Variants in ANKS1B observed in about 807,000 individuals in gnomAD.
ANKS1B encodes the protein ankyrin repeat and sterile alpha motif domain containing 1B.
In ANKS1B, 36 loss-of-function variants were observed where a neutral mutation model predicts 148.3. That is an observed-to-expected ratio of 0.24 (90% CI 0.19 to 0.32). ANKS1B has a LOEUF of 0.32. ANKS1B is among the 10% of genes least tolerant of loss of function. ANKS1B has a pLI of 1.00. For synonymous variants in ANKS1B, 542 were observed against 560.8 expected (o/e 0.97, Z 0.47); for missense variants, 1,157 against 1,542.6 (o/e 0.75, Z 4.19).
intron 14 of ANKS1B, among the ~76,000 whole-genome samples, chr12:99,169,024 A>T (rs1196184974): frequency 1.3e-5 from 2 of 152,198 alleles, no homozygotes; most frequent in African/African-American, 4.8e-5. Context: ...GTTCGAGTTC[A>T]TTAGGGGGAA....
Position 99,659,625 on chromosome 12 carries a change from A to C in ANKS1B, c.1129-4415T>G, listed in dbSNP as rs2098466235. Among the ~76,000 whole-genome samples, 3 of 151,576 alleles carry C rather than the reference A, an allele frequency of 2.0e-5. No individual in the cohort carries two copies. The South Asian group carries it at 6.4e-4, about 33-fold the overall frequency. On this transcript the variant is annotated intron_variant, in intron 8 of 26. Transcript: ENST00000683438. ...AAGAAATGGGATTTCCCTGTGAGGC[A>C]GTGTGTGTTCGTGTGTGTTTGTGTG... is the stretch of plus-strand genomic sequence containing the variant.
intron 22 of ANKS1B, among the ~76,000 whole-genome samples, chr12:98,789,616 A>G (rs2098830126): frequency 1.3e-5 from 2 of 152,168 alleles, no homozygotes; most frequent in African/African-American, 2.4e-5. Context: ...CAGCCATTCT[A>G]TATCTAGTGG....
intron 10 of ANKS1B, among the ~76,000 whole-genome samples, chr12:99,458,100 A>G (rs1405103095): frequency 6.6e-6 from 1 of 152,186 alleles, no homozygotes; most frequent in Admixed American, 6.5e-5. Context: ...GTGGAATAAA[A>G]TTGGAACTCA....
intron 8 of ANKS1B, among the ~76,000 whole-genome samples, chr12:99,702,217 T>C (rs1446743326): frequency 2.0e-5 from 3 of 152,180 alleles, no homozygotes; most frequent in Admixed American, 1.3e-4. Flanking sequence ...TGCTTGTCTT[T>C]TTAATAAAAG....
chr12:98,864,536 C>T (rs954935945), intron 17 of ANKS1B, among the ~76,000 whole-genome samples: 2 of 152,114 alleles, frequency 1.3e-5, no homozygotes, highest in Non-Finnish European at 2.9e-5. Context: ...GGGCCTCATC[C>T]AATCAGGTGA....
intron 8 of ANKS1B, among the ~76,000 whole-genome samples, chr12:99,672,379 G>A (rs2153471041): frequency 6.6e-6 from 1 of 152,152 alleles, no homozygotes; most frequent in Non-Finnish European, 1.5e-5. Flanking sequence ...TTCCATATCT[G>A]AAAATCCCTT....
chr12:99,781,951 T>A lies in ANKS1B; in HGVS notation c.745+71A>T, dbSNP rs2064375545. The A allele has an allele frequency of 3.7e-6, 5 of 1,335,846 alleles. No homozygotes were observed. The South Asian group carries it at 6.7e-5, about 18-fold the overall frequency. 82.7% of individuals were successfully genotyped at this position (1,335,846 alleles called of 1,614,324 possible). A position where few individuals can be genotyped will look rare whatever the true frequency, so the allele number is the denominator to read the frequency against. Reference sequence around the variant, plus strand: ...GATTTGTGAAGAAAACTGTGTCATTTTCCTTTGTCTATTCCCAAAATAGAA... The same window carrying A: ...GATTTGTGAAGAAAACTGTGTCATTATCCTTTGTCTATTCCCAAAATAGAA... On this transcript the variant is annotated intron_variant, in intron 5 of 26. Transcript: ENST00000683438.
intron 17 of ANKS1B, among the ~76,000 whole-genome samples, chr12:98,847,037 T>C (rs1479258957): frequency 1.3e-5 from 2 of 152,228 alleles, no homozygotes; most frequent in South Asian, 2.1e-4. Flanking sequence ...ATCACCACCA[T>C]CAAGACTATA....
At chr12:99,353,450 A>C (rs974781258) in intron 12 of ANKS1B, among the ~76,000 whole-genome samples, 1 of 152,058 alleles carries the variant, frequency 6.6e-6, no homozygotes, top group African/African-American at 2.4e-5. Context: ...AACCACAATA[A>C]GATACCCAGG....
chr12:99,271,448 C>G (rs2077023986), intron 12 of ANKS1B, among the ~76,000 whole-genome samples: 1 of 151,842 alleles, frequency 6.6e-6, no homozygotes, highest in East Asian at 1.9e-4. Context: ...ATCTATCCTT[C>G]AAGTGAAATA....
In ANKS1B at chr12:98,832,036, G is replaced by A; in HGVS notation, c.2879C>T (p.Thr960Ile). 1.3e-6 allele frequency: 2 copies of A among 1,589,320 alleles called. No homozygotes were observed. The highest frequency in any genetic ancestry group is 1.7e-6 in the Non-Finnish European group (2 of 1,167,280). Reference sequence around the variant, plus strand: ...AATGTGCTTGGCACTTACCCTGAGGGTGATGGACCGAGGGGGCTTCTGTGG... The same window carrying A: ...AATGTGCTTGGCACTTACCCTGAGGATGATGGACCGAGGGGGCTTCTGTGG... ...DPPQKPPRSITLREPSGNHTP... is the reference protein window; with the variant it reads ...DPPQKPPRSIILREPSGNHTP... The change falls in exon 18 of 27, where the codon ACC becomes ATC. Residue 960 changes from threonine (T) to isoleucine (I), a missense_variant. Thr to Ile is a moderately conservative substitution (Grantham distance 89). This residue lies in a region of ANKS1B where 258 missense variants were observed against 497.0 expected (regional missense o/e 0.52). Transcript: ENST00000683438.
At chr12:99,785,197 C>CT (rs11313851) in intron 4 of ANKS1B, among the ~76,000 whole-genome samples, 3,339 of 137,262 alleles carry the variant, frequency 0.024, 102 homozygotes, top group African/African-American at 0.074. Context: ...TTAGTTGTCT[C>CT]TTTTTTTTTT....
chr12:98,894,583 G>C (rs1181619620), intron 17 of ANKS1B: 6 of 985,262 alleles, frequency 6.1e-6, no homozygotes, highest in African/African-American at 3.5e-5. Context: ...GCCACGTCTC[G>C]GCGAGCGGGG....
At chr12:99,353,902 T>C (rs1667823274) in intron 12 of ANKS1B, among the ~76,000 whole-genome samples, 1 of 152,066 alleles carries the variant, frequency 6.6e-6, no homozygotes, top group Admixed American at 6.6e-5. Flanking sequence ...TACACTGTTA[T>C]GGAGGCCACT....
intron 9 of ANKS1B, among the ~76,000 whole-genome samples, chr12:99,577,814 C>T (rs2097533115): frequency 6.6e-6 from 1 of 151,998 alleles, no homozygotes; most frequent in African/African-American, 2.4e-5. Flanking sequence ...AAGCTGGAAA[C>T]CATTACTATT....
intron 10 of ANKS1B, among the ~76,000 whole-genome samples, chr12:99,466,761 G>C (rs1268355877): frequency 6.6e-6 from 1 of 152,006 alleles, no homozygotes; most frequent in Non-Finnish European, 1.5e-5. Flanking sequence ...TCTATGAATA[G>C]ACCAATAACA....
chr12:99,460,032 C>T (rs1034275844), intron 10 of ANKS1B, among the ~76,000 whole-genome samples: 1 of 152,108 alleles, frequency 6.6e-6, no homozygotes, highest in Non-Finnish European at 1.5e-5. Context: ...GTTGCCAAAA[C>T]AGCATGGTAC....
chr12:98,751,323 T>A lies in ANKS1B; in HGVS notation c.3747+32A>T. The A allele has an allele frequency of 6.2e-7, 1 of 1,607,266 alleles. No homozygotes were observed. The highest frequency in any genetic ancestry group is 8.5e-7 in the Non-Finnish European group (1 of 1,176,920). ...CAGCCCCTTTTCCTCCTGTTCAAGG[T>A]TTTTTAGAACATCTGTATCGTTTCT... On this transcript the variant is annotated intron_variant, in intron 26 of 26. Coordinates refer to ENST00000683438, the MANE Select transcript of ANKS1B (RefSeq NM_001352186.2). This position sits in a 1 kb window ranked among gnomAD's most constrained non-coding sequence, Gnocchi z 4.3.
chr12:99,915,089 G>A (rs2094129942), intron 1 of ANKS1B, among the ~76,000 whole-genome samples: 1 of 152,072 alleles, frequency 6.6e-6, no homozygotes. Context: ...TCTGGGCATG[G>A]TGATGCATGC....
Sources: allele counts gnomAD v4.1 joint callset (sites outside exome capture counted in the v4.1 genomes callset), GRCh38; gene constraint gnomAD v4.1.1; regional missense constraint gnomAD v4.1.1; non-coding constraint Gnocchi (gnomAD v3.1); transcripts MANE v1.5; gene names NCBI Gene and HGNC (gene_info 2026-07-23, HGNC 2026-07-21).